Variants in WDR20 observed in about 807,000 individuals in gnomAD.
WDR20 encodes the protein WD repeat domain 20.
A neutral mutation model predicts 38.7 loss-of-function variants in WDR20; 3 were observed. The observed-to-expected ratio is 0.08, with a 90% CI of 0.04 to 0.20. WDR20 has a LOEUF of 0.20. WDR20 is among the 10% of genes least tolerant of loss of function. The probability of loss-of-function intolerance (pLI) is 1.00; values close to 1 mark genes in which losing one functional copy is unlikely to be tolerated. For synonymous variants in WDR20, 298 were observed against 285.6 expected, an observed-to-expected ratio of 1.04 and a Z score of -0.44; for missense variants, 559 against 727.7, an observed-to-expected ratio of 0.77 and a Z score of 2.67.
chr14:102,193,372 C>T, intron 1 of WDR20: 2 of 1,367,128 alleles, frequency 1.5e-6, no homozygotes, highest in South Asian at 2.4e-5. Flanking sequence ...TCTCCTCGCT[C>T]CAGTCAGGAC....
downstream of WDR20, chr14:102,213,591 ACCGT>A (rs1214544746): frequency 1.7e-5 from 17 of 985,390 alleles, no homozygotes; most frequent in South Asian, 4.7e-5. Flanking sequence ...GGGCAAGGAC[ACCGT>A]CCGGGCGGGG....
intron 1 of WDR20, among the ~76,000 whole-genome samples, chr14:102,162,009 A>G (rs1036999225): frequency 6.6e-6 from 1 of 152,172 alleles, no homozygotes; most frequent in Non-Finnish European, 1.5e-5. Context: ...ACCTTTAGCA[A>G]AGAGATTGGA....
At position 102,209,068 on chromosome 14, in the gene WDR20, G is replaced by A. The variant is rs1211015855; in HGVS notation, c.898G>A (p.Gly300Ser). The change falls in exon 3 of 3, where the codon GGC becomes AGC. Residue 300 changes from glycine (G) to serine (S), a missense_variant. Coordinates refer to ENST00000342702, the MANE Select transcript of WDR20 (RefSeq NM_144574.4). This position sits in a 1 kb window ranked among gnomAD's most constrained non-coding sequence, Gnocchi z 6.0. ...SFVDCRVIAR[G>S]HGHKSWVSVV... Reference sequence around the variant, plus strand: ...TGTAGACTGCCGAGTAATAGCCAGAGGCCACGGGCACAAGTCCTGGGTCAG... The same window carrying A: ...TGTAGACTGCCGAGTAATAGCCAGAAGCCACGGGCACAAGTCCTGGGTCAG... 1 of 1,614,158 alleles carries A rather than the reference G, an allele frequency of 6.2e-7. No homozygotes were observed. Among genetic ancestry groups the A allele is most frequent in the Admixed American group, 1.7e-5 (1 of 60,022 alleles).
At chr14:102,204,961 T>C (rs1472210653) in intron 2 of WDR20, among the ~76,000 whole-genome samples, 1 of 152,184 alleles carries the variant, frequency 6.6e-6, no homozygotes, top group African/African-American at 2.4e-5. Flanking sequence ...CAAATACACT[T>C]GGAGGCTGGG....
chr14:102,140,148 C>T lies in WDR20; in HGVS notation c.225C>T (p.Phe75=), dbSNP rs1172840361. ...TCAATGTGGGCCGGGAGCTGTACTT[C>T]TATATCTACAAGGGGGTCCGCAAGG... is the stretch of plus-strand genomic sequence containing the variant. ...LCFNVGRELY[F]YIYKGVRKAA... The change falls in exon 1 of 3, where the codon TTC becomes TTT. Residue 75 remains phenylalanine (F), a synonymous_variant. Transcript: ENST00000342702. The T allele has an allele frequency of 1.7e-5, 28 of 1,613,528 alleles. No homozygotes were observed. The highest frequency in any genetic ancestry group is 2.3e-5 in the Non-Finnish European group (27 of 1,180,042).
At chr14:102,188,571 C>T (rs967109716) in intron 1 of WDR20, among the ~76,000 whole-genome samples, 2 of 152,044 alleles carry the variant, frequency 1.3e-5, no homozygotes, top group African/African-American at 4.8e-5. Flanking sequence ...TAGTATTGTT[C>T]CAGAAAAAAA....
At chr14:102,191,664 C>T (rs1041082912) in intron 1 of WDR20, among the ~76,000 whole-genome samples, 1 of 152,156 alleles carries the variant, frequency 6.6e-6, no homozygotes, top group Non-Finnish European at 1.5e-5. Flanking sequence ...TCACTTCTGA[C>T]TTCTTGGTAA....
intron 1 of WDR20, chr14:102,171,645 A>G (rs1414503096): frequency 6.6e-6 from 1 of 151,824 alleles, no homozygotes; most frequent in Non-Finnish European, 1.5e-5. Flanking sequence ...TGCCCTGTGT[A>G]CTTTTCAGTT....
At chr14:102,173,714 C>T (rs571070873) in intron 1 of WDR20, among the ~76,000 whole-genome samples, 97 of 150,698 alleles carry the variant, frequency 6.4e-4, no homozygotes, top group African/African-American at 1.4e-3. Context: ...CAAGTGAGAA[C>T]GTATGATGTT....
downstream of WDR20, chr14:102,212,514 T>A: frequency 6.5e-7 from 1 of 1,535,868 alleles, no homozygotes; most frequent in East Asian, 2.4e-5. Context: ...CCCCTTTCTT[T>A]GACAGCCGGC....
rs1055455850 is a variant in WDR20 at position 102,221,895 on chromosome 14, A to G, written c.1693-935A>G. 6.6e-6 allele frequency among the ~76,000 whole-genome samples: 1 copy of G among 152,198 alleles called. No homozygotes were observed. The highest frequency in any genetic ancestry group is 2.4e-5 in the African/African-American group (1 of 41,450). ...CTAAGTTGTATTCCCAGAGCTGAAA[A>G]TGTGCACCTTTGGGGCTGCACTGTC... On this transcript the variant is annotated intron_variant, in intron 3 of 3. Coordinates refer to the WDR20 transcript ENST00000335263. This position sits in a 1 kb window ranked among gnomAD's most constrained non-coding sequence, Gnocchi z 4.8.
At chr14:102,152,575 C>T (rs755817343) in intron 1 of WDR20, among the ~76,000 whole-genome samples, 3 of 151,836 alleles carry the variant, frequency 2.0e-5, no homozygotes, top group African/African-American at 2.4e-5. Context: ...CCACCATGCC[C>T]GGCCAATTTT....
chr14:102,178,759 C>G (rs1156525886), intron 1 of WDR20, among the ~76,000 whole-genome samples: 1 of 152,040 alleles, frequency 6.6e-6, no homozygotes, highest in Non-Finnish European at 1.5e-5. Flanking sequence ...GTAGACTATA[C>G]TAATCACTGC....
intron 1 of WDR20, among the ~76,000 whole-genome samples, chr14:102,194,077 C>T (rs1465374949): frequency 6.6e-6 from 1 of 152,210 alleles, no homozygotes. Flanking sequence ...TCAAACAGAC[C>T]TGGGTTCCAA....
intron 1 of WDR20, among the ~76,000 whole-genome samples, chr14:102,149,678 T>A (rs2152711836): frequency 6.6e-6 from 1 of 152,344 alleles, no homozygotes; most frequent in South Asian, 2.1e-4. Context: ...AAATATTTTG[T>A]GTCATCAATT....
At chr14:102,197,741 ATG>A (rs1317343816) in intron 2 of WDR20, 1 of 700,206 alleles carries the variant, frequency 1.4e-6, no homozygotes, top group Non-Finnish European at 2.6e-6. Context: ...ACAGGATCAA[ATG>A]TGTTTTTTTA....
At chr14:102,148,887 C>T (rs1054032065) in intron 1 of WDR20, among the ~76,000 whole-genome samples, 1 of 152,006 alleles carries the variant, frequency 6.6e-6, no homozygotes, top group Non-Finnish European at 1.5e-5. Context: ...GTAGGCCAGG[C>T]GCGGTGGCTC....
chr14:102,198,040 T>C (rs984285476), intron 2 of WDR20: 9 of 433,534 alleles, frequency 2.1e-5, no homozygotes, highest in Non-Finnish European at 3.7e-5. Context: ...GGTGACACTT[T>C]GTGATGTAAG....
chr14:102,140,350 G>A, intron 1 of WDR20, 178 bp downstream of exon 1: 1 of 1,133,258 alleles, frequency 8.8e-7, no homozygotes, highest in East Asian at 2.6e-5. Flanking sequence ...GGAGGGTGGT[G>A]GCGGTGGCGT....
Sources: allele counts gnomAD v4.1 joint callset (sites outside exome capture counted in the v4.1 genomes callset), GRCh38; gene constraint gnomAD v4.1.1; non-coding constraint Gnocchi (gnomAD v3.1); transcripts MANE v1.5; gene names NCBI Gene and HGNC (gene_info 2026-07-23, HGNC 2026-07-21).